The following CDH19 variants were observed in gnomAD, a reference collection of about 807,000 sequenced individuals.
CDH19 encodes the protein cadherin 19, also known as cadherin-19.
In CDH19, 67 loss-of-function variants were observed where a neutral mutation model predicts 64.2. That is an observed-to-expected ratio of 1.04 (90% confidence interval 0.86 to 1.28). The LOEUF (loss-of-function observed/expected upper bound fraction) is 1.28, where lower values mean the gene tolerates loss of function less well. CDH19 is among the 50% of genes most tolerant of loss of function. The pLI is 0.00. For synonymous variants in CDH19, 346 were observed against 319.3 expected (o/e 1.08, Z -0.89); for missense variants, 1,030 against 929.0 (o/e 1.11, Z -1.41).
intron 10 of CDH19, 103 bp from the exon 11 acceptor site, chr18:66,509,349 T>A: frequency 1.1e-6 from 1 of 944,322 alleles, no homozygotes; most frequent in Non-Finnish European, 1.5e-6. Flanking sequence ...TATGATCAAG[T>A]AAGTTCAAAT....
intron 1 of CDH19, among the ~76,000 whole-genome samples, chr18:66,593,632 C>CT (rs1211190491): frequency 6.6e-6 from 1 of 151,986 alleles, no homozygotes; most frequent in Non-Finnish European, 1.5e-5. Context: ...TATATATTTT[C>CT]TAATTTGTCA....
intron 8 of CDH19, among the ~76,000 whole-genome samples, chr18:66,530,731 C>T (rs1986410465): frequency 6.6e-6 from 1 of 152,112 alleles, no homozygotes; most frequent in Admixed American, 6.5e-5. Context: ...AGCAGACTTT[C>T]TCACTGCTGT....
chr18:66,548,347 T>C (rs1314936372), intron 5 of CDH19, among the ~76,000 whole-genome samples: 2 of 142,774 alleles, frequency 1.4e-5, no homozygotes, highest in South Asian at 2.3e-4. Flanking sequence ...AGTCTGGAGA[T>C]GTATATTTAA....
At chr18:66,563,602 A>G (rs1015888022) in intron 3 of CDH19, among the ~76,000 whole-genome samples, 1 of 152,022 alleles carries the variant, frequency 6.6e-6, no homozygotes, top group African/African-American at 2.4e-5. Flanking sequence ...TAAGAGTTGT[A>G]TAGGTATATC....
chr18:66,564,232 CA>C (rs1987823574), intron 3 of CDH19, among the ~76,000 whole-genome samples: 1 of 151,560 alleles, frequency 6.6e-6, no homozygotes, highest in East Asian at 1.9e-4. Context: ...TATGCTTTTC[CA>C]AAAAATGCAA....
At chr18:66,521,704 T>TA (rs111530865) in intron 9 of CDH19, among the ~76,000 whole-genome samples, 4,334 of 143,480 alleles carry the variant, frequency 0.03, 160 homozygotes, top group African/African-American at 0.087. Context: ...CCCAGCTAAT[T>TA]AAAAAAAAAA....
chr18:66,509,908 A>G (rs955489276), intron 10 of CDH19, among the ~76,000 whole-genome samples: 12 of 152,004 alleles, frequency 7.9e-5, no homozygotes, highest in Middle Eastern at 3.4e-3. Flanking sequence ...TTGTATTTAA[A>G]ATTCTGAAAA....
chr18:66,536,006 G>A (rs1986654757), intron 7 of CDH19, among the ~76,000 whole-genome samples: 1 of 147,866 alleles, frequency 6.8e-6, no homozygotes, highest in South Asian at 2.1e-4. Context: ...ATGGAAGAAA[G>A]CCAAGTTACA....
At chr18:66,537,809 T>C (rs1024597217) in intron 7 of CDH19, among the ~76,000 whole-genome samples, 7 of 151,960 alleles carry the variant, frequency 4.6e-5, no homozygotes, top group African/African-American at 1.4e-4. Flanking sequence ...TTGAGTTTCA[T>C]TGTTTTTAGG....
In CDH19 at chr18:66,534,097, G is replaced by GAA. The variant is rs112935684; in HGVS notation, c.1336+887_1336+888dup. Among the ~76,000 whole-genome samples, 14 of 145,450 alleles carry GAA rather than the reference G, an allele frequency of 9.6e-5. No individual in the cohort carries two copies. The Middle Eastern group carries it at 0.014, about 144-fold the overall frequency. The stretch of plus-strand genomic sequence containing the variant: ...GTTCCAACAAGTTTTTCCTTAAAAT[G>GAA]AAAAAAAAAAATTGTTCTCAGAAAT... On this transcript the variant is annotated intron_variant, in intron 8 of 11. Transcript: ENST00000262150.
chr18:66,600,120 G>C (rs947349732), intron 1 of CDH19, among the ~76,000 whole-genome samples: 2 of 151,730 alleles, frequency 1.3e-5, no homozygotes, highest in African/African-American at 2.4e-5. Context: ...AAATGTAACA[G>C]CATTTAGTAT....
intron 1 of CDH19, among the ~76,000 whole-genome samples, chr18:66,589,466 T>C (rs1348038357): frequency 6.6e-6 from 1 of 151,950 alleles, no homozygotes; most frequent in Admixed American, 6.6e-5. Context: ...TAAACCATTG[T>C]ATTCAATTTG....
Position 66,545,002 on chromosome 18 carries a change from G to A in CDH19, c.776-99C>T, listed in dbSNP as rs558845528. ...GTTTGTTTGTTTGTTTTTTCGAGACGGAGTCTCATTCTGTCGCCCAGGCTG... is the reference window on the plus strand; with the variant it reads ...GTTTGTTTGTTTGTTTTTTCGAGACAGAGTCTCATTCTGTCGCCCAGGCTG... On this transcript the variant is annotated intron_variant, in intron 5 of 11. Transcript: ENST00000262150. 1.2e-3 allele frequency: 1,108 copies of A among 901,888 alleles called. 2 individuals are homozygous for A. The highest frequency in any genetic ancestry group is 2.0e-3 in the Admixed American group (65 of 31,782). The allele number at this position is 901,888 out of a possible 1,614,324, so 55.9% of individuals were successfully genotyped here. A position where few individuals can be genotyped will look rare whatever the true frequency, so the allele number is the denominator to read the frequency against.
At chr18:66,573,893 C>CCACACACACACA (rs140587493) in intron 1 of CDH19, among the ~76,000 whole-genome samples, 79 of 145,216 alleles carry the variant, frequency 5.4e-4, no homozygotes, top group East Asian at 2.7e-3. Flanking sequence ...ACCACTGAAG[C>CCACACACACACA]CACACACACA....
intron 1 of CDH19, among the ~76,000 whole-genome samples, chr18:66,579,428 A>G (rs570211087): frequency 2.0e-4 from 30 of 152,180 alleles, no homozygotes; most frequent in African/African-American, 7.2e-4. Flanking sequence ...CAGATTTGCT[A>G]CCCACAGTGT....
chr18:66,522,893 A>T (rs553170983), intron 9 of CDH19, among the ~76,000 whole-genome samples: 1 of 151,946 alleles, frequency 6.6e-6, no homozygotes, highest in African/African-American at 2.4e-5. Flanking sequence ...ATGTTTACCT[A>T]TAAATTATTT....
At chr18:66,514,645 A>G (rs1418400054) in intron 9 of CDH19, among the ~76,000 whole-genome samples, 3 of 151,590 alleles carry the variant, frequency 2.0e-5, no homozygotes, top group Non-Finnish European at 4.4e-5. Flanking sequence ...TAGTTATTTT[A>G]TGAAACTATA....
chr18:66,511,705 G>A lies in CDH19; in HGVS notation c.1459-20C>T, dbSNP rs770855323. On this transcript the variant is annotated intron_variant, in intron 9 of 11. Transcript: ENST00000262150. ...AATTACCTAAAAAAAAAGGGGGATA[G>A]ATTTTTGTTGTTGTTTGGATTCAGG... 3.5e-6 allele frequency: 4 copies of A among 1,149,432 alleles called. No homozygotes were observed. The highest frequency in any genetic ancestry group is 5.2e-6 in the Non-Finnish European group (4 of 766,564). 71.2% of individuals were successfully genotyped at this position (1,149,432 alleles called of 1,614,324 possible).
intron 9 of CDH19, among the ~76,000 whole-genome samples, chr18:66,518,788 G>C (rs1220350296): frequency 6.6e-6 from 1 of 152,096 alleles, no homozygotes; most frequent in East Asian, 1.9e-4. Context: ...CATAGTCTCA[G>C]TATTATTAAG....
Sources: gnomAD v4.1 joint callset for allele counts (sites outside exome capture counted in the v4.1 genomes callset) on GRCh38, gnomAD v4.1.1 for gene constraint, MANE v1.5 for transcripts, NCBI Gene and HGNC (gene_info 2026-07-23, HGNC 2026-07-21) for gene names.